Variants in GSE1 observed in about 807,000 individuals in gnomAD.
GSE1 encodes the protein Gse1 coiled-coil protein.
Under a neutral mutation model 112.6 loss-of-function variants are expected in GSE1, and 32 were observed. The ratio of observed to expected loss-of-function variants is 0.28; its 90% CI spans 0.21 to 0.38. The LOEUF (loss-of-function observed/expected upper bound fraction) is 0.38, where lower values mean the gene tolerates loss of function less well. Ranked by LOEUF, GSE1 falls within the 10% of genes least tolerant of loss-of-function variation. GSE1 has a pLI of 1.00. For synonymous variants in GSE1, 1,115 were observed against 735.6 expected, an observed-to-expected ratio of 1.52 and a Z score of -8.35; for missense variants, 2,348 against 1,699.2, an observed-to-expected ratio of 1.38 and a Z score of -6.71.
intron 2 of GSE1, among the ~76,000 whole-genome samples, chr16:85,517,044 A>G (rs1012949354): frequency 1.3e-5 from 2 of 152,106 alleles, no homozygotes; most frequent in African/African-American, 4.8e-5. Flanking sequence ...TGATCCAGCC[A>G]TCTCGGCCTC....
intron 2 of GSE1, among the ~76,000 whole-genome samples, chr16:85,538,702 G>A (rs1187955368): frequency 1.3e-5 from 2 of 152,184 alleles, no homozygotes; most frequent in East Asian, 3.9e-4. Flanking sequence ...TGCTTGCAGG[G>A]AGGAGGTCAC....
chr16:85,598,249 C>A (rs992654031), intron 1 of GSE1, among the ~76,000 whole-genome samples: 60 of 140,680 alleles, frequency 4.3e-4, no homozygotes, highest in African/African-American at 1.5e-3. Flanking sequence ...AGGTTCTTTG[C>A]AGCTGGCTCC....
At chr16:85,243,899 G>T (rs1423329309) in intron 1 of GSE1, among the ~76,000 whole-genome samples, 1 of 152,182 alleles carries the variant, frequency 6.6e-6, no homozygotes, top group Non-Finnish European at 1.5e-5. Flanking sequence ...GGCCGAGGTG[G>T]GCGGATCACC....
intron 2 of GSE1, among the ~76,000 whole-genome samples, chr16:85,454,248 G>A (rs1420886151): frequency 6.6e-6 from 1 of 152,216 alleles, no homozygotes; most frequent in East Asian, 1.9e-4. Flanking sequence ...AGCATTGGTG[G>A]TGTGTAATTT....
intron 2 of GSE1, among the ~76,000 whole-genome samples, chr16:85,487,741 G>C (rs1418566614): frequency 6.6e-6 from 1 of 152,204 alleles, no homozygotes; most frequent in African/African-American, 2.4e-5. Context: ...AATGGGCGGT[G>C]GTGGGGGAAG....
In GSE1 at chr16:85,412,961, G is replaced by A. The variant is rs1024071452; in HGVS notation, c.2464+55318G>A. On this transcript the variant is annotated intron_variant, in intron 2 of 2. Coordinates refer to the GSE1 transcript ENST00000637419. ...TGACCATGTGTCCGTGAAGCCATCG[G>A]CCCGGGTGCCTGTTCGGGTGCAGGT... is the stretch of plus-strand genomic sequence containing the variant. Among the ~76,000 whole-genome samples the A allele has an allele frequency of 2.6e-5, 4 of 152,190 alleles. 1 individual carries two copies. Among genetic ancestry groups the A allele is most frequent in the Admixed American group, 6.5e-5 (1 of 15,280 alleles).
At chr16:85,533,807 G>A (rs972551520) in intron 2 of GSE1, among the ~76,000 whole-genome samples, 6 of 152,102 alleles carry the variant, frequency 3.9e-5, no homozygotes, top group Admixed American at 2.0e-4. Flanking sequence ...GGAGGCTGCA[G>A]TGAGCTGTGA....
At chr16:85,603,296 G>T (rs988404681) in intron 1 of GSE1, among the ~76,000 whole-genome samples, 6 of 152,316 alleles carry the variant, frequency 3.9e-5, no homozygotes, top group African/African-American at 1.4e-4. Flanking sequence ...GACGCCGAGT[G>T]GGGAAAGTTC....
chr16:85,476,581 C>G (rs1490545889), intron 2 of GSE1, among the ~76,000 whole-genome samples: 1 of 151,878 alleles, frequency 6.6e-6, no homozygotes, highest in South Asian at 2.1e-4. Flanking sequence ...ACGTGCTGTT[C>G]CCACTGCCTG....
intron 1 of GSE1, among the ~76,000 whole-genome samples, chr16:85,300,920 G>A (rs1489700863): frequency 6.6e-6 from 1 of 152,232 alleles, no homozygotes. Context: ...TTTGGGGGGA[G>A]TGGGGACTGG....
intron 15 of GSE1, chr16:85,672,005 G>T (rs12149168): frequency 0.26 from 53,257 of 207,382 alleles, 7,097 homozygotes; most frequent in East Asian, 0.34. Flanking sequence ...AGTGGACTTT[G>T]TTTCTCTTTT....
At chr16:85,255,848 C>T (rs561124441) in intron 1 of GSE1, among the ~76,000 whole-genome samples, 12 of 152,216 alleles carry the variant, frequency 7.9e-5, no homozygotes, top group African/African-American at 2.9e-4. Flanking sequence ...ATGACCATGC[C>T]TGGCTCATTT....
At chr16:85,463,503 C>T (rs925731109) in intron 2 of GSE1, among the ~76,000 whole-genome samples, 15 of 152,180 alleles carry the variant, frequency 9.9e-5, no homozygotes, top group African/African-American at 3.1e-4. Flanking sequence ...GGAGGTGGGT[C>T]CAACCCTGGC....
chr16:85,362,678 G>T (rs1451139207), intron 2 of GSE1, among the ~76,000 whole-genome samples: 1 of 152,180 alleles, frequency 6.6e-6, no homozygotes, highest in Non-Finnish European at 1.5e-5. Context: ...ACTCCCGGAG[G>T]CACCATTCTT....
intron 2 of GSE1, among the ~76,000 whole-genome samples, chr16:85,477,188 T>C (rs2050485113): frequency 6.6e-6 from 1 of 151,948 alleles, no homozygotes; most frequent in South Asian, 2.1e-4. Flanking sequence ...CTGGGATGTA[T>C]ATGTGGTTCT....
At chr16:85,256,069 G>T (rs1022675190) in intron 1 of GSE1, among the ~76,000 whole-genome samples, 10 of 152,184 alleles carry the variant, frequency 6.6e-5, no homozygotes, top group Non-Finnish European at 1.0e-4. Flanking sequence ...TGTAAGATGG[G>T]AGAATAATAC....
In GSE1 at chr16:85,311,641, T is replaced by G. The variant is rs76757080; in HGVS notation, c.2284-45822T>G. Among the ~76,000 whole-genome samples, 83 of 152,264 alleles carry G rather than the reference T, an allele frequency of 5.5e-4. No homozygotes were observed. The East Asian group carries it at 0.015, about 27-fold the overall frequency. On this transcript the variant is annotated intron_variant, in intron 1 of 2. Coordinates refer to the GSE1 transcript ENST00000637419. The surrounding 1 kb of genome is among the most constrained non-coding windows in gnomAD (Gnocchi z 4.2). Reference sequence around the variant, plus strand: ...CCTGGGGGTCCTTCTCCAGGGCCCCTTGGGCTGTGTACCTGGGCCTGGTGG... The same window carrying G: ...CCTGGGGGTCCTTCTCCAGGGCCCCGTGGGCTGTGTACCTGGGCCTGGTGG...
chr16:85,276,337 A>G (rs970079611), intron 1 of GSE1, among the ~76,000 whole-genome samples: 1 of 30,700 alleles, frequency 3.3e-5, no homozygotes, highest in Admixed American at 4.6e-4. Flanking sequence ...GGAGGACTTC[A>G]GGAAGGTGTG....
At chr16:85,351,915 G>A (rs369440062) in intron 1 of GSE1, among the ~76,000 whole-genome samples, 58 of 152,152 alleles carry the variant, frequency 3.8e-4, no homozygotes, top group African/African-American at 1.2e-3. Context: ...GCTTGAACCC[G>A]GGAGGCAAAG....
Sources: gnomAD v4.1 joint callset for allele counts (sites outside exome capture counted in the v4.1 genomes callset) on GRCh38, gnomAD v4.1.1 for gene constraint, Gnocchi (gnomAD v3.1) non-coding constraint, MANE v1.5 for transcripts, NCBI Gene and HGNC (gene_info 2026-07-23, HGNC 2026-07-21) for gene names.